CCSER1: variants seen among roughly 807,000 people sequenced by gnomAD.
CCSER1 encodes serine-rich coiled-coil domain-containing protein 1.
A neutral mutation model predicts 82.0 loss-of-function variants in CCSER1; 41 were observed. The ratio of observed to expected loss-of-function variants is 0.50; its 90% CI spans 0.39 to 0.65. The LOEUF is 0.65. Ranked by LOEUF, CCSER1 falls within the 30% of genes least tolerant of loss-of-function variation. The pLI is 0.00. For synonymous variants in CCSER1, 414 were observed against 383.9 expected (o/e 1.08, Z -0.92); for missense variants, 1,119 against 1,064.2 (o/e 1.05, Z -0.72).
At chr4:91,467,142 T>C (rs1278705188) in intron 10 of CCSER1, among the ~76,000 whole-genome samples, 1 of 152,144 alleles carries the variant, frequency 6.6e-6, no homozygotes, top group Non-Finnish European at 1.5e-5. Flanking sequence ...AGCATGGTAC[T>C]GGTACCAAAA....
In CCSER1 at chr4:91,121,739, G is replaced by A. The variant is rs1214946394; in HGVS notation, c.2217+35745G>A. On this transcript the variant is annotated intron_variant, in intron 10 of 10. Coordinates refer to ENST00000509176, the MANE Select transcript of CCSER1 (RefSeq NM_001145065.2). ...AAAATGTAATACTTTCCTTTAAAAAGAAAGTATTATAAAATAGTTAATGTA... is the reference window on the plus strand; with the variant it reads ...AAAATGTAATACTTTCCTTTAAAAAAAAAGTATTATAAAATAGTTAATGTA... Among the ~76,000 whole-genome samples the A allele has an allele frequency of 2.0e-5, 3 of 151,384 alleles. No homozygotes were observed. The East Asian group carries it at 5.8e-4, about 29-fold the overall frequency.
chr4:90,539,238 C>T (rs1224139808), intron 5 of CCSER1, among the ~76,000 whole-genome samples: 1 of 151,786 alleles, frequency 6.6e-6, no homozygotes. Context: ...AAGAATGGGT[C>T]CATAGGTTTT....
chr4:91,300,527 T>C (rs903920183), intron 10 of CCSER1, among the ~76,000 whole-genome samples: 2 of 151,932 alleles, frequency 1.3e-5, no homozygotes, highest in South Asian at 2.1e-4. Flanking sequence ...CCTTAAAATA[T>C]AGTCAATTAT....
At chr4:90,297,241 T>C (rs1177194591) in intron 1 of CCSER1, among the ~76,000 whole-genome samples, 1 of 149,436 alleles carries the variant, frequency 6.7e-6, no homozygotes, top group Admixed American at 6.6e-5. Flanking sequence ...AGGTATTTTA[T>C]TCTCTTTGAA....
intron 10 of CCSER1, among the ~76,000 whole-genome samples, chr4:91,459,749 C>T (rs992369816): frequency 6.6e-6 from 1 of 152,142 alleles, no homozygotes; most frequent in African/African-American, 2.4e-5. Flanking sequence ...GTGGCCTTAA[C>T]ATTGAATTCT....
At chr4:91,374,762 G>A (rs1169063412) in intron 10 of CCSER1, among the ~76,000 whole-genome samples, 4 of 152,198 alleles carry the variant, frequency 2.6e-5, no homozygotes, top group East Asian at 1.9e-4. Flanking sequence ...TTGGGAGGCC[G>A]AGGTGGGTGA....
chr4:91,064,645 G>A (rs189510529), intron 9 of CCSER1, among the ~76,000 whole-genome samples: 67 of 152,332 alleles, frequency 4.4e-4, no homozygotes, highest in African/African-American at 1.6e-3. Flanking sequence ...GAAAGCAGCT[G>A]TTTACTATAA....
intron 7 of CCSER1, among the ~76,000 whole-genome samples, chr4:90,774,703 C>A (rs1752670450): frequency 6.6e-6 from 1 of 152,038 alleles, no homozygotes; most frequent in Non-Finnish European, 1.5e-5. Flanking sequence ...ATGAAAGGTA[C>A]ATAATATCAA....
intron 3 of CCSER1, among the ~76,000 whole-genome samples, chr4:90,364,582 G>T (rs1219990103): frequency 1.3e-5 from 2 of 151,872 alleles, no homozygotes; most frequent in African/African-American, 2.4e-5. Context: ...ATAATAAAAA[G>T]CATTAAAGTA....
intron 8 of CCSER1, among the ~76,000 whole-genome samples, chr4:90,872,845 A>T (rs1766721675): frequency 6.6e-6 from 1 of 151,916 alleles, no homozygotes; most frequent in Non-Finnish European, 1.5e-5. Context: ...TCTGGGAAAG[A>T]CTTTGTATCT....
chr4:91,282,569 C>T (rs1344941049), intron 10 of CCSER1, among the ~76,000 whole-genome samples: 2 of 152,100 alleles, frequency 1.3e-5, no homozygotes, highest in African/African-American at 4.8e-5. Context: ...AGACCATAAC[C>T]TCTCCCTAAA....
chr4:90,917,772 G>A (rs1455884130), intron 8 of CCSER1, among the ~76,000 whole-genome samples: 1 of 152,016 alleles, frequency 6.6e-6, no homozygotes, highest in African/African-American at 2.4e-5. Flanking sequence ...CTTACAAGAT[G>A]ATGGTCAAAT....
At chr4:90,360,772 T>TCA (rs1446212092) in intron 3 of CCSER1, among the ~76,000 whole-genome samples, 1 of 152,056 alleles carries the variant, frequency 6.6e-6, no homozygotes, top group African/African-American at 2.4e-5. Flanking sequence ...ATATAATGCT[T>TCA]CATGGCCAAC....
In CCSER1 at chr4:91,387,960, G is replaced by T. The variant is rs1412462072; in HGVS notation, c.2218-210612G>T. ...GAAAAAAAATGTTACTTGCAGTATT[G>T]ACAGCAATTCTAATAAAGTAACACT... On this transcript the variant is annotated intron_variant, in intron 10 of 10. Coordinates refer to ENST00000509176, the MANE Select transcript of CCSER1 (RefSeq NM_001145065.2). Among the ~76,000 whole-genome samples, 3 of 152,038 alleles carry T rather than the reference G, an allele frequency of 2.0e-5. No individual in the cohort carries two copies. In the East Asian group the frequency reaches 5.8e-4, roughly 29 times the overall value.
intron 1 of CCSER1, among the ~76,000 whole-genome samples, chr4:90,188,744 A>G (rs1281491120): frequency 6.6e-6 from 1 of 151,980 alleles, no homozygotes; most frequent in Non-Finnish European, 1.5e-5. Flanking sequence ...TGCTAATTAG[A>G]GAAAGGACTC....
chr4:91,357,762 C>A (rs187563406), intron 10 of CCSER1, among the ~76,000 whole-genome samples: 3,065 of 151,066 alleles, frequency 0.02, 103 homozygotes, highest in African/African-American at 0.07. Context: ...AATTTTTCAA[C>A]ATGTCTCAAC....
intron 1 of CCSER1, among the ~76,000 whole-genome samples, chr4:90,278,319 A>G (rs1728221025): frequency 6.6e-6 from 1 of 152,148 alleles, no homozygotes. Context: ...CAGCAATCCC[A>G]TTACTGGGTA....
chr4:90,348,636 T>C (rs898189839), intron 3 of CCSER1, among the ~76,000 whole-genome samples: 1 of 152,166 alleles, frequency 6.6e-6, no homozygotes, highest in African/African-American at 2.4e-5. Context: ...TTTGATTATT[T>C]TAATTATTCT....
At chr4:91,369,661 C>CTTTTTTTTTTTTTTTTTT (rs573494038) in intron 10 of CCSER1, among the ~76,000 whole-genome samples, 2 of 73,418 alleles carry the variant, frequency 2.7e-5, no homozygotes, top group African/African-American at 1.1e-4. Context: ...TAATCTGTAG[C>CTTTTTTTTTTTTTTTTTT]TTTTTTTTTT....
Sources: gnomAD v4.1 joint callset for allele counts (sites outside exome capture counted in the v4.1 genomes callset) on GRCh38, gnomAD v4.1.1 for gene constraint, MANE v1.5 for transcripts, NCBI Gene and HGNC (gene_info 2026-07-23, HGNC 2026-07-21) for gene names.